SOX6: variants seen among roughly 807,000 people sequenced by gnomAD.
The protein encoded by SOX6 is transcription factor SOX-6.
A neutral mutation model predicts 97.8 loss-of-function variants in SOX6; 11 were observed. The observed-to-expected ratio is 0.11, with a 90% CI of 0.07 to 0.19. The LOEUF (loss-of-function observed/expected upper bound fraction) is 0.19, where lower values mean the gene tolerates loss of function less well. Among genes scored for constraint, SOX6 ranks in the 10% least tolerant of loss-of-function variants. SOX6 has a pLI of 1.00. For synonymous variants in SOX6, 360 were observed against 371.4 expected (o/e 0.97, Z 0.35); for missense variants, 810 against 1,039.5 (o/e 0.78, Z 3.04).
chr11:16,047,543 A>G, intron 11 of SOX6, among the ~76,000 whole-genome samples: 1 of 152,128 alleles, frequency 6.6e-6, no homozygotes, highest in Admixed American at 6.6e-5. Context: ...CTTATTTCCA[A>G]CGATATCTTG....
In SOX6 at chr11:16,341,108, C is replaced by T; in HGVS notation, c.141G>A (p.Met47Ile). 6.2e-7 allele frequency: 1 copy of T among 1,613,454 alleles called. No homozygotes were observed. Among genetic ancestry groups the T allele is most frequent in the East Asian group, 2.2e-5 (1 of 44,858 alleles). Residue 47 changes from methionine (M) to isoleucine (I), a missense_variant, in exon 2 of 16, where the codon ATG (methionine) becomes ATA (isoleucine). Met to Ile is a conservative substitution (Grantham distance 10). This residue lies in a region of SOX6 where 100 missense variants were observed against 94.6 expected (regional missense o/e 1.06). Coordinates refer to ENST00000683767, the MANE Select transcript of SOX6 (RefSeq NM_001367873.1). Reference protein sequence around the residue: ...VASHLPLHPIMHNKPHSEELP... With the variant: ...VASHLPLHPIIHNKPHSEELP... ...GCTCCTCAGAGTGAGGTTTGTTGTG[C>T]ATTATGGGGTGCAGAGGCAGATGGG...
intron 12 of SOX6, among the ~76,000 whole-genome samples, chr11:16,044,974 A>G (rs1381722912): frequency 6.6e-6 from 1 of 151,456 alleles, no homozygotes; most frequent in Admixed American, 6.6e-5. Context: ...CTGTCTATCT[A>G]TCTATCTATC....
chr11:16,581,188 A>G lies in SOX6; in HGVS notation n.609+30893T>C, dbSNP rs576433080. 3.3e-5 allele frequency among the ~76,000 whole-genome samples: 5 copies of G among 152,350 alleles called. No homozygotes were observed. The South Asian group carries it at 8.3e-4, about 25-fold the overall frequency. ...ACTATTTATAATAGCAAGGACATGG[A>G]GCCAACCCAAATGCCCATCAATGAT... On this transcript the variant is annotated intron_variant and non_coding_transcript_variant, in intron 4 of 5. Transcript: ENST00000524520.
At chr11:16,480,601 C>T (rs972848543), upstream of SOX6, among the ~76,000 whole-genome samples, 5 of 151,640 alleles carry the variant, frequency 3.3e-5, no homozygotes, top group Non-Finnish European at 5.9e-5. Flanking sequence ...TTAAATCCTG[C>T]TTAAAAGTCT....
intron 4 of SOX6, among the ~76,000 whole-genome samples, chr11:16,591,046 C>G (rs1041212066): frequency 1.3e-5 from 2 of 151,984 alleles, no homozygotes; most frequent in African/African-American, 4.8e-5. Flanking sequence ...CAAAATATCT[C>G]ATGTACCATA....
upstream of SOX6, among the ~76,000 whole-genome samples, chr11:16,359,821 C>T (rs928405602): frequency 1.3e-5 from 2 of 152,270 alleles, no homozygotes; most frequent in Admixed American, 1.3e-4. Flanking sequence ...GTACTGAGTG[C>T]ATACTATGCG....
chr11:16,352,438 A>G (rs1856973484), intron 1 of SOX6, among the ~76,000 whole-genome samples: 1 of 152,118 alleles, frequency 6.6e-6, no homozygotes, highest in South Asian at 2.1e-4. Context: ...CAACTCTAGA[A>G]GTTAAATAAT....
At chr11:16,116,152 GTTC>G (rs931859019) in intron 6 of SOX6, among the ~76,000 whole-genome samples, 11 of 152,130 alleles carry the variant, frequency 7.2e-5, no homozygotes, top group Non-Finnish European at 1.3e-4. Context: ...GTGATTAAAA[GTTC>G]TTCTTATGTC....
intron 6 of SOX6, among the ~76,000 whole-genome samples, chr11:16,164,297 A>G (rs1850829045): frequency 6.6e-6 from 1 of 152,188 alleles, no homozygotes; most frequent in South Asian, 2.1e-4. Flanking sequence ...CATTAACTAT[A>G]CCTTGCTTAA....
chr11:16,334,127 G>T (rs74886967), intron 2 of SOX6, among the ~76,000 whole-genome samples: 2,239 of 151,784 alleles, frequency 0.015, 56 homozygotes, highest in African/African-American at 0.051. Context: ...CAGACTTAAT[G>T]ATTAAAATAA....
intron 1 of SOX6, among the ~76,000 whole-genome samples, chr11:16,446,405 CT>C (rs1859612467): frequency 6.6e-6 from 1 of 152,014 alleles, no homozygotes; most frequent in African/African-American, 2.4e-5. Context: ...CCGTTATTTT[CT>C]TTTTAAAATA....
intron 4 of SOX6, among the ~76,000 whole-genome samples, chr11:16,547,968 A>G (rs1010167607): frequency 2.0e-5 from 3 of 152,176 alleles, no homozygotes; most frequent in Non-Finnish European, 4.4e-5. Context: ...TGCAAGGAAA[A>G]TAATAATCAA....
chr11:16,310,611 A>G (rs1375295799), intron 3 of SOX6, among the ~76,000 whole-genome samples: 2 of 152,116 alleles, frequency 1.3e-5, no homozygotes, highest in Non-Finnish European at 2.9e-5. Flanking sequence ...TGAATACCCA[A>G]TTGCTTCTGC....
chr11:15,988,925 G>T, intron 14 of SOX6, 72 bp downstream of exon 14: 1 of 1,441,016 alleles, frequency 6.9e-7, no homozygotes, highest in Non-Finnish European at 9.8e-7. Context: ...TTATCCCCTT[G>T]CTTCCCACCC....
chr11:16,683,815 A>C (rs1242589932), intron 3 of SOX6, among the ~76,000 whole-genome samples: 1 of 152,236 alleles, frequency 6.6e-6, no homozygotes, highest in Non-Finnish European at 1.5e-5. Flanking sequence ...AGAATGGGAG[A>C]AAATTTTTGC....
intron 4 of SOX6, among the ~76,000 whole-genome samples, chr11:16,189,941 G>A (rs1851585669): frequency 6.6e-6 from 1 of 151,990 alleles, no homozygotes; most frequent in Non-Finnish European, 1.5e-5. Flanking sequence ...AATAAATACT[G>A]GAAATTTTTC....
intron 3 of SOX6, among the ~76,000 whole-genome samples, chr11:16,661,234 G>T (rs958008016): frequency 4.6e-5 from 7 of 152,164 alleles, no homozygotes; most frequent in Non-Finnish European, 8.8e-5. Flanking sequence ...TTGTTCTGAA[G>T]TCTGCTTTGT....
At chr11:16,092,051 C>T (rs1348614694) in intron 9 of SOX6, among the ~76,000 whole-genome samples, 1 of 151,964 alleles carries the variant, frequency 6.6e-6, no homozygotes, top group Non-Finnish European at 1.5e-5. Flanking sequence ...AGTGAAATTA[C>T]TTGTCTTGGA....
intron 1 of SOX6, among the ~76,000 whole-genome samples, chr11:16,459,304 A>G (rs1859873494): frequency 6.6e-6 from 1 of 152,106 alleles, no homozygotes; most frequent in Admixed American, 6.6e-5. Flanking sequence ...AGAGCATAAA[A>G]GCAAGAATCA....
Sources: allele counts gnomAD v4.1 joint callset (sites outside exome capture counted in the v4.1 genomes callset), GRCh38; gene constraint gnomAD v4.1.1; regional missense constraint gnomAD v4.1.1; transcripts MANE v1.5; gene names NCBI Gene and HGNC (gene_info 2026-07-23, HGNC 2026-07-21).